Variants in PPP2R3C observed in about 807,000 individuals in gnomAD.
PPP2R3C encodes serine/threonine-protein phosphatase 2A regulatory subunit B'' subunit gamma.
A neutral mutation model predicts 63.7 loss-of-function variants in PPP2R3C; 47 were observed. That is an observed-to-expected ratio of 0.74 (90% confidence interval 0.58 to 0.94). The LOEUF is 0.94. Ranked by LOEUF, PPP2R3C falls within the 40% of genes least tolerant of loss-of-function variation. PPP2R3C has a pLI of 0.00. For missense variants in PPP2R3C, 421 were observed against 518.4 expected, an observed-to-expected ratio of 0.81 and a Z score of 1.82; for synonymous variants, 180 against 177.4, an observed-to-expected ratio of 1.01 and a Z score of -0.12.
chr14:35,099,522 A>G, intron 6 of PPP2R3C, 138 bp from the exon 7 acceptor site: 1 of 1,088,834 alleles, frequency 9.2e-7, no homozygotes, highest in Non-Finnish European at 1.2e-6. Context: ...TGGTAAAACT[A>G]TTTTACATTA....
intron 11 of PPP2R3C, among the ~76,000 whole-genome samples, chr14:35,090,711 A>ATTTTTT (rs35890780): frequency 1.0e-4 from 11 of 110,326 alleles, no homozygotes; most frequent in Non-Finnish European, 1.3e-4. Context: ...GCATCTCACA[A>ATTTTTT]TTTTTTTTTT....
intron 4 of PPP2R3C, among the ~76,000 whole-genome samples, chr14:35,108,860 T>C (rs1413083638): frequency 6.6e-6 from 1 of 151,974 alleles, no homozygotes; most frequent in African/African-American, 2.4e-5. Context: ...TCCACCTGCC[T>C]TGGCCTCCCA....
At chr14:35,096,449 T>G (rs540758961) in intron 9 of PPP2R3C, 109 bp downstream of exon 9, 143 of 1,001,524 alleles carry the variant, frequency 1.4e-4, no homozygotes, top group Admixed American at 2.4e-4. Flanking sequence ...TTAAGGTAAT[T>G]AAATATTTTG....
chr14:35,099,030 CAGGTTATGGTCAG>C, intron 7 of PPP2R3C: 2 of 440,520 alleles, frequency 4.5e-6, no homozygotes, highest in Non-Finnish European at 7.4e-6. Context: ...TGTCACACAG[CAGGTTATGGTCAG>C]TGCAAGTAAA....
Position 35,108,391 on chromosome 14 carries a change from C to CT in PPP2R3C, c.405-156dup, listed in dbSNP as rs10656897. Among the ~76,000 whole-genome samples the CT allele has an allele frequency of 6.5e-3, 942 of 145,968 alleles. 3 individuals carry two copies. The highest frequency in any genetic ancestry group is 0.014 in the Middle Eastern group (4 of 280). On this transcript the variant is annotated intron_variant, in intron 4 of 12. Coordinates refer to ENST00000261475, the MANE Select transcript of PPP2R3C (RefSeq NM_017917.4). ...CAAAAACTTAAAATATTAAGTCAAA[C>CT]TTTTTTTTTTTTTTAAAAGAAATGG...
chr14:35,090,119 T>C (rs1197487319), intron 11 of PPP2R3C, among the ~76,000 whole-genome samples: 2 of 152,094 alleles, frequency 1.3e-5, no homozygotes, highest in African/African-American at 2.4e-5. Context: ...TGTACTACCA[T>C]TGGAAATACA....
Position 35,118,930 on chromosome 14 carries a change from G to A in PPP2R3C, c.59-2193C>T, listed in dbSNP as rs535988971. Among the ~76,000 whole-genome samples the A allele has an allele frequency of 4.3e-3, 653 of 152,086 alleles. 5 individuals are homozygous for A. The highest frequency in any genetic ancestry group is 0.015 in the African/African-American group (633 of 41,480). On this transcript the variant is annotated intron_variant, in intron 1 of 12. Coordinates refer to ENST00000261475, the MANE Select transcript of PPP2R3C (RefSeq NM_017917.4). ...GCCTCCCAAAGTGCTGGGATTACAG[G>A]CATGAGCCACTGCGCCCAGCCAAGT...
chr14:35,095,707 G>A (rs1290343025), intron 9 of PPP2R3C, among the ~76,000 whole-genome samples: 2 of 151,144 alleles, frequency 1.3e-5, no homozygotes, highest in African/African-American at 4.9e-5. Flanking sequence ...AACATTAGCC[G>A]GGTGTGGTGG....
At chr14:35,090,860 C>T (rs1000289957) in intron 11 of PPP2R3C, among the ~76,000 whole-genome samples, 5 of 152,016 alleles carry the variant, frequency 3.3e-5, no homozygotes, top group African/African-American at 9.7e-5. Flanking sequence ...GTACTACAGG[C>T]ACCCACCACC....
At chr14:35,093,903 G>A (rs958696070) in intron 10 of PPP2R3C, among the ~76,000 whole-genome samples, 6 of 152,050 alleles carry the variant, frequency 3.9e-5, no homozygotes, top group Admixed American at 2.0e-4. Flanking sequence ...CACCCGCCTC[G>A]GCCTCCCAAA....
At chr14:35,090,237 G>GTTTTTTTT (rs34745484) in intron 11 of PPP2R3C, among the ~76,000 whole-genome samples, 5 of 116,902 alleles carry the variant, frequency 4.3e-5, no homozygotes, top group South Asian at 2.8e-4. Flanking sequence ...GGTAGTTGTA[G>GTTTTTTTT]TTTTTTTTTT....
At chr14:35,119,004 C>T (rs1460791889) in intron 1 of PPP2R3C, among the ~76,000 whole-genome samples, 3 of 150,464 alleles carry the variant, frequency 2.0e-5, no homozygotes, top group Non-Finnish European at 4.4e-5. Flanking sequence ...CAGAGAAATG[C>T]AACAGAAGCT....
At chr14:35,119,227 G>A (rs1384743172) in intron 1 of PPP2R3C, among the ~76,000 whole-genome samples, 5 of 150,786 alleles carry the variant, frequency 3.3e-5, no homozygotes, top group Admixed American at 2.0e-4. Context: ...TAGTAGAGAC[G>A]GACTTTCACC....
At chr14:35,087,701 C>G (rs905877085) in intron 12 of PPP2R3C, 3 of 418,892 alleles carry the variant, frequency 7.2e-6, no homozygotes, top group Non-Finnish European at 1.3e-5. Flanking sequence ...AGCCCGGCCC[C>G]CTGACTGTCT....
chr14:35,094,173 A>G (rs1432363089), intron 10 of PPP2R3C, among the ~76,000 whole-genome samples: 1 of 151,904 alleles, frequency 6.6e-6, no homozygotes, highest in Non-Finnish European at 1.5e-5. Flanking sequence ...TAATTTACTA[A>G]TGTTTCAGCT....
intron 6 of PPP2R3C, among the ~76,000 whole-genome samples, chr14:35,103,163 G>A (rs2046251600): frequency 6.6e-6 from 1 of 152,130 alleles, no homozygotes; most frequent in Non-Finnish European, 1.5e-5. Flanking sequence ...ATGGTTTCCC[G>A]TTAGCCTCAA....
chr14:35,122,028 G>C, upstream of PPP2R3C: 2 of 1,560,638 alleles, frequency 1.3e-6, no homozygotes, highest in Non-Finnish European at 1.8e-6. Flanking sequence ...CAGCTCAGGC[G>C]TCAGCACCGC....
intron 7 of PPP2R3C, 115 bp from the exon 8 acceptor site, chr14:35,096,879 T>A: frequency 9.9e-7 from 1 of 1,010,882 alleles, no homozygotes; most frequent in Non-Finnish European, 1.4e-6. Flanking sequence ...TTAAAGCTTC[T>A]AGCTCTTATG....
intron 11 of PPP2R3C, among the ~76,000 whole-genome samples, chr14:35,090,382 C>T (rs1261063259): frequency 2.0e-5 from 3 of 151,826 alleles, no homozygotes; most frequent in African/African-American, 7.3e-5. Flanking sequence ...GCTGGGATTA[C>T]AGGCATGTGG....
Sources: gnomAD v4.1 joint callset for allele counts (sites outside exome capture counted in the v4.1 genomes callset) on GRCh38, gnomAD v4.1.1 for gene constraint, MANE v1.5 for transcripts, NCBI Gene and HGNC (gene_info 2026-07-23, HGNC 2026-07-21) for gene names.